Variants in ABHD2 observed in about 807,000 individuals in gnomAD.
ABHD2 encodes abhydrolase domain containing 2, acylglycerol lipase.
Under a neutral mutation model 48.1 loss-of-function variants are expected in ABHD2, and 20 were observed. That is an observed-to-expected ratio of 0.42 (90% CI 0.29 to 0.60). The LOEUF (loss-of-function observed/expected upper bound fraction) is 0.60, where lower values mean the gene tolerates loss of function less well. Among genes scored for constraint, ABHD2 ranks in the 20% least tolerant of loss-of-function variants. ABHD2 has a pLI of 0.24. For synonymous variants in ABHD2, 209 were observed against 214.2 expected (o/e 0.98, Z 0.21); for missense variants, 405 against 550.9 (o/e 0.74, Z 2.65).
In ABHD2 at chr15:89,177,170, G is replaced by A. The variant is rs569146535; in HGVS notation, c.722+1175G>A. Reference sequence around the variant, plus strand: ...ACCAAGGTCTGGGTTCTATTTTTCCGTGCCGGCAATATGGGGATGATGATG... The same window carrying A: ...ACCAAGGTCTGGGTTCTATTTTTCCATGCCGGCAATATGGGGATGATGATG... On this transcript the variant is annotated intron_variant, in intron 6 of 10. Coordinates refer to ENST00000352732, the MANE Select transcript of ABHD2 (RefSeq NM_152924.5). The surrounding 1 kb of genome is among the most constrained non-coding windows in gnomAD (Gnocchi z 5.6). Among the ~76,000 whole-genome samples the A allele has an allele frequency of 2.6e-5, 4 of 152,188 alleles. No individual in the cohort carries two copies. In the East Asian group the frequency reaches 5.8e-4, roughly 22 times the overall value.
rs2050970494 is a variant in ABHD2 at position 89,174,003 on chromosome 15, G to C, written c.539-1809G>C. Among the ~76,000 whole-genome samples the C allele has an allele frequency of 6.6e-6, 1 of 152,118 alleles. No homozygotes were observed. Among genetic ancestry groups the C allele is most frequent in the Non-Finnish European group, 1.5e-5 (1 of 68,016 alleles). On this transcript the variant is annotated intron_variant, in intron 5 of 10. Transcript: ENST00000352732. This position sits in a 1 kb window ranked among gnomAD's most constrained non-coding sequence, Gnocchi z 4.1. The stretch of plus-strand genomic sequence containing the variant: ...ATGATTATTAGTCAAAAGTATAGGG[G>C]ATACTGTCTGGGAAGAGGCATGAGG...
intron 3 of ABHD2, among the ~76,000 whole-genome samples, chr15:89,149,603 C>G (rs894453785): frequency 6.6e-6 from 1 of 152,106 alleles, no homozygotes; most frequent in Non-Finnish European, 1.5e-5. Flanking sequence ...GGCAACCCCC[C>G]CAGCAACCTG....
intron 1 of ABHD2, among the ~76,000 whole-genome samples, chr15:89,108,264 C>CT (rs1422331467): frequency 1.3e-5 from 2 of 152,218 alleles, no homozygotes; most frequent in Non-Finnish European, 2.9e-5. Flanking sequence ...GAAGGCAAGA[C>CT]TGTTCCCTGC....
At chr15:89,154,113 T>G (rs2050634107) in intron 4 of ABHD2, among the ~76,000 whole-genome samples, 1 of 152,218 alleles carries the variant, frequency 6.6e-6, no homozygotes, top group Non-Finnish European at 1.5e-5. Flanking sequence ...CTTGCTGTGT[T>G]GCCCTGTTTA....
At chr15:89,152,077 G>GTTTTTTTTTTTTTTTTTTTTTTTTTTT (rs34458230) in intron 4 of ABHD2, among the ~76,000 whole-genome samples, 1 of 139,888 alleles carries the variant, frequency 7.1e-6, no homozygotes, top group Admixed American at 7.2e-5. Context: ...TTGTAGAATA[G>GTTTTTTTTTTTTTTTTTTTTTTTTTTT]TTTTTTTTTT....
chr15:89,045,654 T>C, the ABHD2 span, among the ~76,000 whole-genome samples: 1 of 152,220 alleles, frequency 6.6e-6, no homozygotes, highest in African/African-American at 2.4e-5. Flanking sequence ...TTTATTCTCT[T>C]TGAAGCAATT....
intron 4 of ABHD2, among the ~76,000 whole-genome samples, 173 bp downstream of exon 4, chr15:89,152,025 G>C (rs1292936973): frequency 6.6e-6 from 1 of 152,170 alleles, no homozygotes; most frequent in Non-Finnish European, 1.5e-5. Context: ...GTTAGCTTCA[G>C]CGTATGTTTG....
rs111758360 is a variant in ABHD2, at chr15:89,157,447, G to A, written c.538+1913G>A. Among the ~76,000 whole-genome samples the A allele has an allele frequency of 4.9e-3, 753 of 152,236 alleles. 7 individuals are homozygous for A. The highest frequency in any genetic ancestry group is 0.017 in the African/African-American group (711 of 41,552). ...CTGCTTTGTGCCAAGCAGGGTGTTG[G>A]GTGCCCTGAGTTCATTTCCTCTTCT... is the stretch of plus-strand genomic sequence containing the variant. On this transcript the variant is annotated intron_variant, in intron 5 of 10. Transcript: ENST00000352732.
intron 3 of ABHD2, among the ~76,000 whole-genome samples, chr15:89,145,541 T>C (rs769148803): frequency 6.6e-6 from 1 of 152,188 alleles, no homozygotes; most frequent in Non-Finnish European, 1.5e-5. Flanking sequence ...ATCAGGGCAG[T>C]AAAGAAGCCT....
intron 1 of ABHD2, among the ~76,000 whole-genome samples, chr15:89,098,256 T>A (rs1418115758): frequency 6.6e-6 from 1 of 152,214 alleles, no homozygotes; most frequent in Non-Finnish European, 1.5e-5. Context: ...GTCATTACTA[T>A]TTCCTAAAAA....
chr15:89,044,732 C>T, the ABHD2 span, among the ~76,000 whole-genome samples: 2 of 152,090 alleles, frequency 1.3e-5, no homozygotes, highest in South Asian at 2.1e-4. Flanking sequence ...ACGTCCTTCG[C>T]CCACTTTTTG....
intron 5 of ABHD2, among the ~76,000 whole-genome samples, chr15:89,163,729 T>G (rs2150908839): frequency 6.6e-6 from 1 of 152,370 alleles, no homozygotes; most frequent in Non-Finnish European, 1.5e-5. Flanking sequence ...TAGTGGTCAT[T>G]ACTGTTCTGA....
chr15:89,050,528 C>T, the ABHD2 span, among the ~76,000 whole-genome samples: 326 of 152,294 alleles, frequency 2.1e-3, no homozygotes, highest in African/African-American at 7.7e-3. Flanking sequence ...TCATGTGCAC[C>T]TGAGTTTGTG....
At position 89,113,749 on chromosome 15, in the gene ABHD2, A is replaced by T. The variant is rs1478050954; in HGVS notation, c.-82A>T. Reference sequence around the variant, plus strand: ...GCTTTTAGGTTTGTTTGAATAAGAGATCTGACCTGACCGGCCCAACTGTAC... The same window carrying T: ...GCTTTTAGGTTTGTTTGAATAAGAGTTCTGACCTGACCGGCCCAACTGTAC... On this transcript the variant is annotated 5_prime_UTR_variant, in exon 2 of 11. Coordinates refer to ENST00000352732, the MANE Select transcript of ABHD2 (RefSeq NM_152924.5). 6.6e-6 allele frequency: 1 copy of T among 152,208 alleles called. No individual in the cohort carries two copies. Among genetic ancestry groups the T allele is most frequent in the East Asian group, 1.9e-4 (1 of 5,198 alleles). The allele number at this position is 152,208 out of a possible 1,614,324, so 9.4% of individuals were successfully genotyped here. A position where few individuals can be genotyped will look rare whatever the true frequency, so the allele number is the denominator to read the frequency against.
chr15:89,126,281 C>T (rs1242777799), intron 3 of ABHD2, among the ~76,000 whole-genome samples: 2 of 152,184 alleles, frequency 1.3e-5, no homozygotes, highest in African/African-American at 2.4e-5. Flanking sequence ...TTCCCAGACT[C>T]GATTTCAGAA....
chr15:89,068,752 C>CCATTTT, the ABHD2 span, among the ~76,000 whole-genome samples: 1 of 85,182 alleles, frequency 1.2e-5, no homozygotes, highest in South Asian at 4.1e-4. Context: ...GGCAAGCTTC[C>CCATTTT]TCTTTTTTTT....
At chr15:89,062,360 G>T in the ABHD2 span, among the ~76,000 whole-genome samples, 1 of 151,868 alleles carries the variant, frequency 6.6e-6, no homozygotes, top group African/African-American at 2.4e-5. Flanking sequence ...TTGTTTTTGT[G>T]TGGGGGGGTG....
At chr15:89,139,641 T>C (rs1434808507) in intron 3 of ABHD2, among the ~76,000 whole-genome samples, 1 of 152,218 alleles carries the variant, frequency 6.6e-6, no homozygotes, top group African/African-American at 2.4e-5. Flanking sequence ...AGCACACTCC[T>C]AGTTGGGCAT....
At chr15:89,148,492 A>T (rs1490113317) in intron 3 of ABHD2, among the ~76,000 whole-genome samples, 1 of 152,230 alleles carries the variant, frequency 6.6e-6, no homozygotes, top group Non-Finnish European at 1.5e-5. Context: ...TTCCTTCGTT[A>T]TTGGTGGGAA....
Sources: gnomAD v4.1 joint callset for allele counts (sites outside exome capture counted in the v4.1 genomes callset) on GRCh38, gnomAD v4.1.1 for gene constraint, Gnocchi (gnomAD v3.1) non-coding constraint, MANE v1.5 for transcripts, NCBI Gene and HGNC (gene_info 2026-07-23, HGNC 2026-07-21) for gene names.